TMEM132C: variants seen among roughly 807,000 people sequenced by gnomAD.
TMEM132C encodes the protein protein phosphatase 1, regulatory subunit 152.
Under a neutral mutation model 61.4 loss-of-function variants are expected in TMEM132C, and 29 were observed. The observed-to-expected ratio is 0.47, with a 90% CI of 0.35 to 0.64. The LOEUF is 0.64. Ranked by LOEUF, TMEM132C falls within the 30% of genes least tolerant of loss-of-function variation. The pLI, the probability that TMEM132C is intolerant of heterozygous loss-of-function variation, is 0.00. For missense variants in TMEM132C, 1,408 were observed against 1,476.9 expected (o/e 0.95, Z 0.76); for synonymous variants, 656 against 633.1 (o/e 1.04, Z -0.54).
chr12:128,588,553 C>T (rs1875634492), intron 3 of TMEM132C, among the ~76,000 whole-genome samples: 1 of 151,990 alleles, frequency 6.6e-6, no homozygotes, highest in South Asian at 2.1e-4. Context: ...TGCTTGAATC[C>T]AAGCCTTGCC....
In TMEM132C at chr12:128,706,092, G is replaced by A; in HGVS notation, c.3124G>A (p.Asp1042Asn). 5 of 1,551,578 alleles carry A rather than the reference G, an allele frequency of 3.2e-6. No homozygotes were observed. The highest frequency in any genetic ancestry group is 4.4e-6 in the Non-Finnish European group (5 of 1,146,892). The change falls in exon 9 of 9, where the codon GAC (aspartate) becomes AAC (asparagine). Residue 1042 changes from aspartate to asparagine, a missense_variant. Transcript: ENST00000435159. Reference sequence around the variant, plus strand: ...GCGGCAGGGCAGAGAACAGAAGCAGGACCCCCTGCACTCGCCCACCTCCAA... The same window carrying A: ...GCGGCAGGGCAGAGAACAGAAGCAGAACCCCCTGCACTCGCCCACCTCCAA... ...GGRQGREQKQ[D>N]PLHSPTSKRK...
intron 4 of TMEM132C, among the ~76,000 whole-genome samples, chr12:128,667,997 G>A (rs1954495810): frequency 6.6e-6 from 1 of 152,230 alleles, no homozygotes; most frequent in South Asian, 2.1e-4. Flanking sequence ...AAGGTGCCAA[G>A]CACGGTGGCC....
chr12:128,530,976 A>G (rs1873274980), intron 2 of TMEM132C, among the ~76,000 whole-genome samples: 1 of 152,228 alleles, frequency 6.6e-6, no homozygotes, highest in Non-Finnish European at 1.5e-5. Flanking sequence ...AACAGCCAGA[A>G]CACCACTGGT....
In TMEM132C at chr12:128,558,004, G is replaced by A. The variant is rs146475547; in HGVS notation, c.1121+13901G>A. 1.7e-3 allele frequency among the ~76,000 whole-genome samples: 266 copies of A among 152,280 alleles called. 2 individuals carry two copies. Among genetic ancestry groups the A allele is most frequent in the Middle Eastern group, 6.8e-3 (2 of 294 alleles). ...CTGCGTGGAAGTCGCGCGGTTTCGCGCACATTAGTCAGTCTCCTTGGCTCT... is the reference window on the plus strand; with the variant it reads ...CTGCGTGGAAGTCGCGCGGTTTCGCACACATTAGTCAGTCTCCTTGGCTCT... On this transcript the variant is annotated intron_variant, in intron 3 of 8. Coordinates refer to ENST00000435159, the MANE Select transcript of TMEM132C (RefSeq NM_001136103.3).
chr12:128,613,937 T>A (rs1188849315), intron 3 of TMEM132C, among the ~76,000 whole-genome samples: 1 of 152,162 alleles, frequency 6.6e-6, no homozygotes, highest in Non-Finnish European at 1.5e-5. Flanking sequence ...CCATGGAAAA[T>A]CTCCTTTAAT....
chr12:128,387,089 C>T (rs978118844), intron 1 of TMEM132C, among the ~76,000 whole-genome samples: 6 of 138,418 alleles, frequency 4.3e-5, no homozygotes, highest in South Asian at 2.3e-4. Flanking sequence ...TGCAGTGAGC[C>T]GTGAATGTAC....
intron 1 of TMEM132C, among the ~76,000 whole-genome samples, chr12:128,282,351 C>T (rs1870924398): frequency 6.6e-6 from 1 of 152,214 alleles, no homozygotes; most frequent in Admixed American, 6.5e-5. Context: ...TTAATTGACT[C>T]ACAGTTCTGC....
At chr12:128,452,457 C>T (rs2136059100) in intron 2 of TMEM132C, among the ~76,000 whole-genome samples, 1 of 151,170 alleles carries the variant, frequency 6.6e-6, no homozygotes, top group Non-Finnish European at 1.5e-5. Flanking sequence ...TGGTGGCTCA[C>T]ACCTGTAATC....
rs181832718 is a variant in TMEM132C at position 128,306,290 on chromosome 12, C to A, written c.85+38803C>A. 1.9e-3 allele frequency among the ~76,000 whole-genome samples: 279 copies of A among 149,808 alleles called. 1 individual carries two copies. Among genetic ancestry groups the A allele is most frequent in the Non-Finnish European group, 3.4e-3 (227 of 67,692 alleles). ...CGATCTCAGCTCACTGCAAGCTCTGCCCCCCGGGTTCTGCCATACTCCTGC... is the reference window on the plus strand; with the variant it reads ...CGATCTCAGCTCACTGCAAGCTCTGACCCCCGGGTTCTGCCATACTCCTGC... On this transcript the variant is annotated intron_variant, in intron 1 of 8. Coordinates refer to ENST00000435159, the MANE Select transcript of TMEM132C (RefSeq NM_001136103.3).
intron 4 of TMEM132C, among the ~76,000 whole-genome samples, chr12:128,633,046 C>G (rs935757611): frequency 5.7e-4 from 86 of 152,158 alleles, no homozygotes; most frequent in African/African-American, 2.0e-3. Context: ...GTCCTGAGGT[C>G]TTTCATGAGT....
At chr12:128,308,514 G>A (rs932380051) in intron 1 of TMEM132C, among the ~76,000 whole-genome samples, 3 of 152,170 alleles carry the variant, frequency 2.0e-5, no homozygotes, top group Admixed American at 6.5e-5. Context: ...TGTCCGGCAC[G>A]TTGCAGACAC....
chr12:128,604,458 GGATA>G (rs1404945337), intron 3 of TMEM132C, among the ~76,000 whole-genome samples: 3 of 132,306 alleles, frequency 2.3e-5, no homozygotes, highest in African/African-American at 5.7e-5. Flanking sequence ...GATAATAGAT[GGATA>G]GATAGATGAT....
chr12:128,350,441 TCA>T lies in TMEM132C; in HGVS notation c.86-64288_86-64287del, dbSNP rs201468625. Among the ~76,000 whole-genome samples, 7 of 152,282 alleles carry T rather than the reference TCA, an allele frequency of 4.6e-5. No individual in the cohort carries two copies. In the East Asian group the frequency reaches 1.2e-3, roughly 25 times the overall value. ...AAAGAGAAGGCTTCTCCCTGGAACC[TCA>T]CAGAGACTTGAGTGAAGTGAAGAAG... is the stretch of plus-strand genomic sequence containing the variant. On this transcript the variant is annotated intron_variant, in intron 1 of 8. Transcript: ENST00000435159.
intron 2 of TMEM132C, among the ~76,000 whole-genome samples, chr12:128,468,028 A>C (rs1439922288): frequency 6.6e-6 from 1 of 152,186 alleles, no homozygotes; most frequent in Non-Finnish European, 1.5e-5. Context: ...GGGATGGGGA[A>C]TCCGGCACCA....
At chr12:128,378,407 C>A (rs897021203) in intron 1 of TMEM132C, among the ~76,000 whole-genome samples, 1 of 144,108 alleles carries the variant, frequency 6.9e-6, no homozygotes, top group Non-Finnish European at 1.5e-5. Flanking sequence ...TGAGCCACCA[C>A]GCCTGGCCAA....
At chr12:128,352,369 C>T (rs1873365618) in intron 1 of TMEM132C, among the ~76,000 whole-genome samples, 1 of 152,146 alleles carries the variant, frequency 6.6e-6, no homozygotes, top group African/African-American at 2.4e-5. Context: ...TACTCACTGT[C>T]ACAAGAACGG....
At chr12:128,688,043 C>T (rs1954691007) in intron 5 of TMEM132C, among the ~76,000 whole-genome samples, 2 of 152,220 alleles carry the variant, frequency 1.3e-5, no homozygotes, top group African/African-American at 4.8e-5. Context: ...CGAGTGGCCC[C>T]TGGGGGATGG....
At chr12:128,512,055 G>T (rs1872582203) in intron 2 of TMEM132C, among the ~76,000 whole-genome samples, 3 of 151,148 alleles carry the variant, frequency 2.0e-5, no homozygotes, top group Admixed American at 1.3e-4. Context: ...GCCCCTGTCG[G>T]CCACAGGCAC....
At chr12:128,497,138 A>G (rs1871992067) in intron 2 of TMEM132C, among the ~76,000 whole-genome samples, 1 of 152,246 alleles carries the variant, frequency 6.6e-6, no homozygotes, top group Non-Finnish European at 1.5e-5. Flanking sequence ...TGGTGGCTGC[A>G]GAACAGCGAA....
Sources: gnomAD v4.1 joint callset for allele counts (sites outside exome capture counted in the v4.1 genomes callset) on GRCh38, gnomAD v4.1.1 for gene constraint, MANE v1.5 for transcripts, NCBI Gene and HGNC (gene_info 2026-07-23, HGNC 2026-07-21) for gene names.